The following HCK variants were observed in gnomAD, a reference collection of about 807,000 sequenced individuals.
HCK encodes HCK proto-oncogene, Src family tyrosine kinase, also known as tyrosine-protein kinase HCK.
Under a neutral mutation model 70.4 loss-of-function variants are expected in HCK, and 40 were observed. The ratio of observed to expected loss-of-function variants is 0.57; its 90% CI spans 0.44 to 0.74. The LOEUF is 0.74. Among genes scored for constraint, HCK ranks in the 30% least tolerant of loss-of-function variants. The pLI, the probability that HCK is intolerant of heterozygous loss-of-function variation, is 0.00. For missense variants in HCK, 568 were observed against 697.2 expected (o/e 0.81, Z 2.09); for synonymous variants, 245 against 263.2 (o/e 0.93, Z 0.67).
chr20:32,087,833 G>A (rs1208237999), intron 9 of HCK, among the ~76,000 whole-genome samples: 2 of 151,958 alleles, frequency 1.3e-5, no homozygotes, highest in Admixed American at 1.3e-4. Context: ...TAGTAGAGAC[G>A]GTGTTTCACC....
chr20:32,101,707 A>T lies in HCK; in HGVS notation c.*188A>T. On this transcript the variant is annotated 3_prime_UTR_variant, in exon 13 of 13. Transcript: ENST00000375852. The stretch of plus-strand genomic sequence containing the variant: ...CTCTTTTTGACTCTTGCAATCCACA[A>T]TCTGACATTCTCAGGAAGCCCCCAA... The T allele has an allele frequency of 2.0e-6, 1 of 492,986 alleles. No individual in the cohort carries two copies. The highest frequency in any genetic ancestry group is 3.2e-5 in the East Asian group (1 of 31,700). The allele number at this position is 492,986 out of a possible 1,614,324, so 30.5% of individuals were successfully genotyped here. A position where few individuals can be genotyped will look rare whatever the true frequency, so the allele number is the denominator to read the frequency against.
intron 1 of HCK, among the ~76,000 whole-genome samples, chr20:32,069,000 T>TA (rs539741028): frequency 7.9e-5 from 12 of 152,110 alleles, no homozygotes; most frequent in African/African-American, 4.8e-5. Flanking sequence ...TTCCCTATTT[T>TA]AAAAAAAGCG....
chr20:32,095,595 T>G (rs1255738598), intron 11 of HCK, among the ~76,000 whole-genome samples: 1 of 152,134 alleles, frequency 6.6e-6, no homozygotes, highest in Non-Finnish European at 1.5e-5. Context: ...AGTAGATTAT[T>G]GGTGCCTACA....
chr20:32,088,979 G>T (rs756438966), intron 10 of HCK, among the ~76,000 whole-genome samples: 1 of 152,212 alleles, frequency 6.6e-6, no homozygotes, highest in Non-Finnish European at 1.5e-5. Context: ...GCTCGTCATG[G>T]TAAAGTGAGG....
intron 10 of HCK, among the ~76,000 whole-genome samples, chr20:32,093,022 G>GC (rs1365634651): frequency 6.6e-6 from 1 of 152,064 alleles, no homozygotes; most frequent in Non-Finnish European, 1.5e-5. Context: ...TCGGCTCACT[G>GC]CAGCCTCTGC....
chr20:32,059,481 T>C (rs1321749982), intron 1 of HCK, among the ~76,000 whole-genome samples: 1 of 142,996 alleles, frequency 7.0e-6, no homozygotes, highest in African/African-American at 2.6e-5. Context: ...CTCCTCCTTC[T>C]TCTTCTTTCT....
intron 6 of HCK, 69 bp from the exon 7 acceptor site, chr20:32,083,825 C>G: frequency 1.9e-6 from 3 of 1,570,480 alleles, no homozygotes; most frequent in Non-Finnish European, 2.6e-6. Context: ...TACAGGGTGT[C>G]AGAGTGCTAA....
intron 1 of HCK, among the ~76,000 whole-genome samples, chr20:32,062,351 G>A (rs1474735172): frequency 1.3e-5 from 2 of 152,172 alleles, no homozygotes; most frequent in African/African-American, 4.8e-5. Context: ...CCTGCCTCCT[G>A]CCTGCCTTAG....
chr20:32,090,713 A>ACC, intron 10 of HCK, among the ~76,000 whole-genome samples: 1 of 151,838 alleles, frequency 6.6e-6, no homozygotes, highest in Non-Finnish European at 1.5e-5. Flanking sequence ...ATGAAATCTC[A>ACC]CCGCCTTTAT....
intron 5 of HCK, among the ~76,000 whole-genome samples, chr20:32,078,870 AAAAAAAAAAG>A (rs920297722): frequency 4.6e-5 from 7 of 151,022 alleles, no homozygotes; most frequent in Non-Finnish European, 7.4e-5. Context: ...AAAAAAAAAA[AAAAAAAAAAG>A]GGGGGGAATG....
intron 5 of HCK, among the ~76,000 whole-genome samples, chr20:32,075,287 G>C (rs2045605678): frequency 6.6e-6 from 1 of 151,986 alleles, no homozygotes. Flanking sequence ...CAGCCTCCCT[G>C]GGCTCAGTTG....
chr20:32,059,682 TA>T (rs992355658), intron 1 of HCK, among the ~76,000 whole-genome samples: 18 of 151,422 alleles, frequency 1.2e-4, no homozygotes, highest in East Asian at 1.9e-4. Flanking sequence ...ACCCAGCTAA[TA>T]AAAAAAAATT....
Position 32,095,239 on chromosome 20 carries a change from T to C in HCK, c.1246+1223T>C, listed in dbSNP as rs1438647045. 2.0e-5 allele frequency among the ~76,000 whole-genome samples: 3 copies of C among 152,254 alleles called. No individual in the cohort carries two copies. In the East Asian group the frequency reaches 5.8e-4, roughly 29 times the overall value. On this transcript the variant is annotated intron_variant, in intron 11 of 12. Transcript: ENST00000375852. The stretch of plus-strand genomic sequence containing the variant: ...CACATGTTGTATAATTCCCCTTCTA[T>C]GAAATGTCCAGAAGAGGCAATCTTT...
At chr20:32,076,523 T>A (rs1308401610) in intron 5 of HCK, among the ~76,000 whole-genome samples, 1 of 152,168 alleles carries the variant, frequency 6.6e-6, no homozygotes, top group Non-Finnish European at 1.5e-5. Context: ...GTGGCTGGCA[T>A]TATTTCTCAA....
chr20:32,067,980 C>T (rs1014915799), intron 1 of HCK, among the ~76,000 whole-genome samples: 1 of 151,776 alleles, frequency 6.6e-6, no homozygotes. Flanking sequence ...CTTTAAGAAA[C>T]CTGGATGTAA....
intron 11 of HCK, among the ~76,000 whole-genome samples, chr20:32,097,001 C>T (rs142517188): frequency 1.3e-5 from 2 of 152,116 alleles, no homozygotes; most frequent in East Asian, 1.9e-4. Flanking sequence ...AAATTTAGAC[C>T]GGGCACAGTG....
chr20:32,075,465 A>T (rs1431626088), intron 5 of HCK, among the ~76,000 whole-genome samples: 1 of 152,012 alleles, frequency 6.6e-6, no homozygotes, highest in African/African-American at 2.4e-5. Context: ...AGCCTCCCAA[A>T]ATGCTGGGAT....
intron 6 of HCK, among the ~76,000 whole-genome samples, chr20:32,080,876 C>A (rs1342935715): frequency 3.3e-5 from 5 of 151,878 alleles, no homozygotes; most frequent in African/African-American, 7.3e-5. Context: ...TCACTTAAGC[C>A]CAAAAGTTCG....
At chr20:32,056,666 T>C (rs1465659722) in intron 1 of HCK, among the ~76,000 whole-genome samples, 2 of 152,194 alleles carry the variant, frequency 1.3e-5, no homozygotes, top group Admixed American at 6.5e-5. Context: ...TTATTAGTAT[T>C]ATTATTACCA....
Sources: gnomAD v4.1 joint callset for allele counts (sites outside exome capture counted in the v4.1 genomes callset) on GRCh38, gnomAD v4.1.1 for gene constraint, MANE v1.5 for transcripts, NCBI Gene and HGNC (gene_info 2026-07-23, HGNC 2026-07-21) for gene names.